Variants in LRRTM3 observed in about 807,000 individuals in gnomAD.
The protein encoded by LRRTM3 is leucine-rich repeat transmembrane neuronal protein 3.
LRRTM3 carries 24 observed loss-of-function variants against 44.7 expected under a neutral mutation model. The observed-to-expected ratio is 0.54, with a 90% confidence interval of 0.39 to 0.76. The LOEUF is 0.76. LRRTM3 is among the 30% of genes least tolerant of loss of function. The pLI, the probability that LRRTM3 is intolerant of heterozygous loss-of-function variation, is 0.00. For synonymous variants in LRRTM3, 277 were observed against 278.7 expected, an observed-to-expected ratio of 0.99 and a Z score of 0.06; for missense variants, 587 against 702.2, an observed-to-expected ratio of 0.84 and a Z score of 1.85.
In LRRTM3 at chr10:66,932,030, G is replaced by T. The variant is rs997121276; in HGVS notation, c.1536+3578G>T. ...ATGTCAAAGGTGTCAAAGGAGGGGGGCCTCCCCTTCCGGCTTTAGAACTCT... is the reference window on the plus strand; with the variant it reads ...ATGTCAAAGGTGTCAAAGGAGGGGGTCCTCCCCTTCCGGCTTTAGAACTCT... On this transcript the variant is annotated intron_variant, in intron 2 of 2. Transcript: ENST00000361320. Among the ~76,000 whole-genome samples, 14 of 152,246 alleles carry T rather than the reference G, an allele frequency of 9.2e-5. No homozygotes were observed. The South Asian group carries it at 2.5e-3, about 27-fold the overall frequency.
Position 67,099,174 on chromosome 10 carries a change from T to C in LRRTM3, c.*1378T>C, listed in dbSNP as rs773736047. On this transcript the variant is annotated 3_prime_UTR_variant, in exon 3 of 3. Coordinates refer to ENST00000361320, the MANE Select transcript of LRRTM3 (RefSeq NM_178011.5). Reference sequence around the variant, plus strand: ...ACACCAGCCCAGATCATATATTGATTATACAATTGTATTATAAAGTTCATT... The same window carrying C: ...ACACCAGCCCAGATCATATATTGATCATACAATTGTATTATAAAGTTCATT... The C allele has an allele frequency of 6.6e-6, 1 of 151,844 alleles. No individual in the cohort carries two copies. Among genetic ancestry groups the C allele is most frequent in the Non-Finnish European group, 1.5e-5 (1 of 67,846 alleles). 9.4% of individuals were successfully genotyped at this position (151,844 alleles called of 1,614,324 possible). A position where few individuals can be genotyped will look rare whatever the true frequency, so the allele number is the denominator to read the frequency against.
At chr10:66,951,786 G>C (rs953223297) in intron 2 of LRRTM3, among the ~76,000 whole-genome samples, 1 of 152,108 alleles carries the variant, frequency 6.6e-6, no homozygotes, top group Non-Finnish European at 1.5e-5. Flanking sequence ...CACTGGGAAG[G>C]GATCTAGAGG....
chr10:67,017,987 G>T (rs1386064002), intron 2 of LRRTM3, among the ~76,000 whole-genome samples: 1 of 152,080 alleles, frequency 6.6e-6, no homozygotes, highest in East Asian at 1.9e-4. Context: ...GGCAAGGCTG[G>T]TCTCAAACTC....
At position 67,099,179 on chromosome 10, in the gene LRRTM3, A is replaced by G. The variant is rs918738208; in HGVS notation, c.*1383A>G. 20 of 151,836 alleles carry G rather than the reference A, an allele frequency of 1.3e-4. No individual in the cohort carries two copies. Among genetic ancestry groups the G allele is most frequent in the Non-Finnish European group, 2.4e-4 (16 of 67,850 alleles). The allele number at this position is 151,836 out of a possible 1,614,324, so 9.4% of individuals were successfully genotyped here. The stretch of plus-strand genomic sequence containing the variant: ...AGCCCAGATCATATATTGATTATAC[A>G]ATTGTATTATAAAGTTCATTCAAAT... On this transcript the variant is annotated 3_prime_UTR_variant, in exon 3 of 3. Transcript: ENST00000361320.
At chr10:67,049,301 T>C (rs1353093850) in intron 2 of LRRTM3, among the ~76,000 whole-genome samples, 1 of 152,036 alleles carries the variant, frequency 6.6e-6, no homozygotes, top group Non-Finnish European at 1.5e-5. Context: ...ATTCAACCAA[T>C]GATGAAGGCT....
chr10:66,984,574 T>C (rs962137581), intron 2 of LRRTM3, among the ~76,000 whole-genome samples: 1 of 152,156 alleles, frequency 6.6e-6, no homozygotes, highest in East Asian at 1.9e-4. Flanking sequence ...TACATAAACT[T>C]GATCTTCAAA....
At chr10:67,007,929 A>C (rs1852101140) in intron 2 of LRRTM3, among the ~76,000 whole-genome samples, 5 of 152,074 alleles carry the variant, frequency 3.3e-5, no homozygotes, top group Admixed American at 3.3e-4. Context: ...TAGGAACTGA[A>C]GATCAGTTTT....
chr10:67,073,570 G>GA (rs1326868640), intron 2 of LRRTM3, among the ~76,000 whole-genome samples: 2 of 149,892 alleles, frequency 1.3e-5, no homozygotes, highest in East Asian at 2.0e-4. Context: ...CCAATAAAGA[G>GA]AAAAAATGAG....
chr10:66,944,618 T>C (rs2078001361), intron 2 of LRRTM3, among the ~76,000 whole-genome samples: 1 of 152,160 alleles, frequency 6.6e-6, no homozygotes, highest in Non-Finnish European at 1.5e-5. Flanking sequence ...AAAGGAATTA[T>C]TATCCAAGGC....
intron 2 of LRRTM3, among the ~76,000 whole-genome samples, chr10:67,037,571 A>C (rs1854140155): frequency 6.6e-6 from 1 of 152,144 alleles, no homozygotes; most frequent in African/African-American, 2.4e-5. Flanking sequence ...GATTTGAATG[A>C]AGTATGACTG....
chr10:67,048,240 T>C (rs1854871901), intron 2 of LRRTM3, among the ~76,000 whole-genome samples: 1 of 152,102 alleles, frequency 6.6e-6, no homozygotes, highest in Non-Finnish European at 1.5e-5. Context: ...ATCATTTATA[T>C]AAACGAGGAA....
chr10:67,062,859 T>G (rs1398621930), intron 2 of LRRTM3, among the ~76,000 whole-genome samples: 1 of 152,192 alleles, frequency 6.6e-6, no homozygotes, highest in African/African-American at 2.4e-5. Context: ...GTGTCAGACC[T>G]GAAGTTTGTG....
rs1853522744 is a variant in LRRTM3 at position 67,028,483 on chromosome 10, A to T, written c.1537-69104A>T. On this transcript the variant is annotated intron_variant, in intron 2 of 2. Transcript: ENST00000361320. ...TCTAGAAGGTAGTACTTGAGAGTGG[A>T]TGGCATCTGGCAAACTAGGAAGTAA... Among the ~76,000 whole-genome samples, 5 of 152,078 alleles carry T rather than the reference A, an allele frequency of 3.3e-5. No individual in the cohort carries two copies. In the South Asian group the frequency reaches 1.0e-3, roughly 31 times the overall value.
In LRRTM3 at chr10:66,975,523, T is replaced by C. The variant is rs77491643; in HGVS notation, c.1536+47071T>C. Among the ~76,000 whole-genome samples the C allele has an allele frequency of 0.025, 3,851 of 152,260 alleles. 395 individuals are homozygous for C. In the East Asian group the frequency reaches 0.36, roughly 14 times the overall value. On this transcript the variant is annotated intron_variant, in intron 2 of 2. Coordinates refer to ENST00000361320, the MANE Select transcript of LRRTM3 (RefSeq NM_178011.5). ...AGCTTCGCAACTATTTGGCTGGATA[T>C]TGCAAATCAGATCAAGAATTGGGAA...
chr10:67,066,020 T>C (rs1856052941), intron 2 of LRRTM3, among the ~76,000 whole-genome samples: 1 of 152,132 alleles, frequency 6.6e-6, no homozygotes, highest in Non-Finnish European at 1.5e-5. Context: ...GAAATAATAA[T>C]TGCTCATTTT....
chr10:67,031,689 C>T (rs115699433), intron 2 of LRRTM3, among the ~76,000 whole-genome samples: 2,725 of 152,198 alleles, frequency 0.018, 80 homozygotes, highest in African/African-American at 0.061. Flanking sequence ...AATTGAAATA[C>T]GCACTTTGAG....
At chr10:66,958,376 A>C (rs1848940370) in intron 2 of LRRTM3, among the ~76,000 whole-genome samples, 1 of 150,924 alleles carries the variant, frequency 6.6e-6, no homozygotes, top group East Asian at 1.9e-4. Context: ...CTTGAAAGCT[A>C]TTAATAGAAA....
chr10:67,050,873 T>C (rs531769468), intron 2 of LRRTM3, among the ~76,000 whole-genome samples: 2 of 152,234 alleles, frequency 1.3e-5, no homozygotes, highest in Non-Finnish European at 2.9e-5. Context: ...TTGTTTGGAT[T>C]ACTTACATAC....
At chr10:67,091,063 A>AGC in intron 2 of LRRTM3, among the ~76,000 whole-genome samples, 1 of 152,078 alleles carries the variant, frequency 6.6e-6, no homozygotes, top group Non-Finnish European at 1.5e-5. Flanking sequence ...CCAAAGGGAC[A>AGC]GCTTTCTATT....
Sources: allele counts gnomAD v4.1 joint callset (sites outside exome capture counted in the v4.1 genomes callset), GRCh38; gene constraint gnomAD v4.1.1; transcripts MANE v1.5; gene names NCBI Gene and HGNC (gene_info 2026-07-23, HGNC 2026-07-21).